The following ODF2 variants were observed in gnomAD, a reference collection of about 807,000 sequenced individuals.
The protein encoded by ODF2 is outer dense fiber protein 2.
A neutral mutation model predicts 110.2 loss-of-function variants in ODF2; 47 were observed. That is an observed-to-expected ratio of 0.43 (90% CI 0.34 to 0.54). The LOEUF is 0.54. Ranked by LOEUF, ODF2 falls within the 20% of genes least tolerant of loss-of-function variation. The pLI is 0.03. For missense variants in ODF2, 812 were observed against 1,054.5 expected (o/e 0.77, Z 3.19); for synonymous variants, 352 against 397.7 (o/e 0.89, Z 1.37).
At position 128,473,753 on chromosome 9, in the gene ODF2, G is replaced by A. The variant is rs1481477314; in HGVS notation, c.843+12G>A. The A allele has an allele frequency of 6.2e-7, 1 of 1,611,148 alleles. No homozygotes were observed. The highest frequency in any genetic ancestry group is 2.2e-5 in the East Asian group (1 of 44,744). The stretch of plus-strand genomic sequence containing the variant: ...AGCACTGCAAAGAGGTGAGCTTGGG[G>A]CCTGGCTCTTTCCCTCCAGCTCTGC... On this transcript the variant is annotated intron_variant, in intron 8 of 20. Transcript: ENST00000604420.
intron 13 of ODF2, 67 bp from the exon 14 acceptor site, chr9:128,487,823 A>C: frequency 1.9e-6 from 3 of 1,568,170 alleles, no homozygotes; most frequent in Non-Finnish European, 8.7e-7. Flanking sequence ...ACACACACAC[A>C]CACACACACA....
chr9:128,481,340 G>A (rs1454792490), intron 8 of ODF2, among the ~76,000 whole-genome samples: 3 of 152,026 alleles, frequency 2.0e-5, no homozygotes, highest in Admixed American at 2.0e-4. Flanking sequence ...AGTTGGGCAT[G>A]GTAGTGCATG....
chr9:128,470,910 TTTTTG>T (rs1007376064), intron 5 of ODF2, among the ~76,000 whole-genome samples: 4 of 35,746 alleles, frequency 1.1e-4, no homozygotes, highest in Non-Finnish European at 1.5e-4. Flanking sequence ...TATTTTTTTG[TTTTTG>T]TTTTTTTTTT....
chr9:128,459,728 G>A (rs1303149096), intron 3 of ODF2, 71 bp downstream of exon 2: 1 of 1,187,166 alleles, frequency 8.4e-7, no homozygotes, highest in East Asian at 2.4e-5. Context: ...ACCGTTTCTA[G>A]GAGGTGCCTT....
At position 128,494,689 on chromosome 9, in the gene ODF2, G is replaced by A. The variant is rs1376957797; in HGVS notation, c.1911+21G>A. The A allele has an allele frequency of 1.9e-6, 3 of 1,614,070 alleles. No individual in the cohort carries two copies. Among genetic ancestry groups the A allele is most frequent in the Admixed American group, 3.3e-5 (2 of 60,006 alleles). ...GCCGGGTAAGGGACTGGCAGAAAGGGTCCCACGAACTGACCCGAGCAGGGG... is the reference window on the plus strand; with the variant it reads ...GCCGGGTAAGGGACTGGCAGAAAGGATCCCACGAACTGACCCGAGCAGGGG... On this transcript the variant is annotated intron_variant, in intron 17 of 20. Transcript: ENST00000604420. This position sits in a 1 kb window ranked among gnomAD's most constrained non-coding sequence, Gnocchi z 4.6.
exon 6 of ODF2, chr9:128,471,351 T>G: frequency 6.2e-7 from 1 of 1,613,256 alleles, no homozygotes; most frequent in Non-Finnish European, 8.5e-7. Flanking sequence ...AAAAGGTTCC[T>G]GGAGGAACGG....
Position 128,461,073 on chromosome 9 carries a change from C to G in ODF2, c.249+6C>G, listed in dbSNP as rs748317843. On this transcript the variant is annotated splice_donor_region_variant and intron_variant, in intron 4 of 20. Coordinates refer to ENST00000604420, the Ensembl canonical transcript of ODF2. ...CTGTGGGATGCAAGTGGGAGGTAGG[C>G]TCACCCTTGCCCAGGCTTTTCTTCT... is the stretch of plus-strand genomic sequence containing the variant. The G allele has an allele frequency of 6.2e-7, 1 of 1,613,658 alleles. No individual in the cohort carries two copies. Among genetic ancestry groups the G allele is most frequent in the South Asian group, 1.1e-5 (1 of 91,042 alleles).
chr9:128,458,954 C>T (rs1835685959), intron 2 of ODF2, among the ~76,000 whole-genome samples: 2 of 152,144 alleles, frequency 1.3e-5, no homozygotes, highest in Admixed American at 6.6e-5. Context: ...AATTGATTCT[C>T]CCACCTCAGC....
At chr9:128,456,594 C>G in intron 1 of ODF2, 1 of 1,522,106 alleles carries the variant, frequency 6.6e-7, no homozygotes, top group South Asian at 1.2e-5. Flanking sequence ...GCCGTCCCTT[C>G]TCTCCGCCGA....
At chr9:128,456,591 C>G in intron 1 of ODF2, 7 of 1,522,218 alleles carry the variant, frequency 4.6e-6, no homozygotes, top group Non-Finnish European at 6.1e-6. Context: ...GTGGCCGTCC[C>G]TTCTCTCCGC....
exon 19 of ODF2, chr9:128,498,569 G>A: frequency 6.4e-7 from 1 of 1,562,066 alleles, no homozygotes; most frequent in Non-Finnish European, 8.8e-7. Context: ...AAGATGCGAG[G>A]AGGCAGGTCA....
At chr9:128,471,819 G>T (rs1332638126) in intron 6 of ODF2, among the ~76,000 whole-genome samples, 3 of 152,066 alleles carry the variant, frequency 2.0e-5, no homozygotes, top group South Asian at 2.1e-4. Context: ...TTATGCGAAG[G>T]CCCCAAGGTG....
intron 14 of ODF2, among the ~76,000 whole-genome samples, chr9:128,488,813 G>T (rs1564517675): frequency 6.6e-6 from 1 of 152,226 alleles, no homozygotes; most frequent in South Asian, 2.1e-4. Flanking sequence ...AGACCAGCCT[G>T]GCCAACATAG....
intron 10 of ODF2, 56 bp downstream of exon 10, chr9:128,482,943 T>C: frequency 1.5e-6 from 2 of 1,359,864 alleles, no homozygotes; most frequent in Non-Finnish European, 2.0e-6. Context: ...GTCGCCAGGC[T>C]GGAGTGCAAT....
chr9:128,457,943 A>ATTT (rs1181931486), intron 2 of ODF2, among the ~76,000 whole-genome samples: 5,344 of 140,352 alleles, frequency 0.038, 98 homozygotes, highest in Middle Eastern at 0.064. Context: ...ATATATATAT[A>ATTT]TTTTTTTTTT....
intron 20 of ODF2, 126 bp from the exon 21 acceptor site, chr9:128,499,941 C>A: frequency 1.2e-6 from 1 of 838,376 alleles, no homozygotes; most frequent in Non-Finnish European, 1.9e-6. Flanking sequence ...ACCCCATACC[C>A]ATTAGAAGTC....
chr9:128,488,373 C>T (rs1843833442), intron 14 of ODF2, among the ~76,000 whole-genome samples: 1 of 152,010 alleles, frequency 6.6e-6, no homozygotes, highest in South Asian at 2.1e-4. Flanking sequence ...TGTGGTGAGC[C>T]GAGATCGCCC....
chr9:128,484,192 C>G, intron 11 of ODF2, 138 bp downstream of exon 11: 1 of 663,734 alleles, frequency 1.5e-6, no homozygotes, highest in Non-Finnish European at 2.7e-6. Context: ...ATACTCAGGC[C>G]TCAGAGACAT....
intron 16 of ODF2, 152 bp downstream of exon 16, chr9:128,492,957 C>T (rs62584804): frequency 0.16 from 99,855 of 608,922 alleles, 10,042 homozygotes; most frequent in Non-Finnish European, 0.22. Context: ...TCCACTCTAC[C>T]CTGTGCCTCT....
Sources: gnomAD v4.1 joint callset for allele counts (sites outside exome capture counted in the v4.1 genomes callset) on GRCh38, gnomAD v4.1.1 for gene constraint, Gnocchi (gnomAD v3.1) non-coding constraint, MANE v1.5 for transcripts, NCBI Gene and HGNC (gene_info 2026-07-23, HGNC 2026-07-21) for gene names.